Variants in ITGA9 observed in about 807,000 individuals in gnomAD.
ITGA9 encodes the protein integrin subunit alpha 9, also known as integrin alpha-9.
Under a neutral mutation model 127.8 loss-of-function variants are expected in ITGA9, and 56 were observed. The ratio of observed to expected loss-of-function variants is 0.44; its 90% CI spans 0.35 to 0.55. The LOEUF (loss-of-function observed/expected upper bound fraction) is 0.55. ITGA9 is among the 20% of genes least tolerant of loss of function. ITGA9 has a pLI of 0.00. For missense variants in ITGA9, 1,196 were observed against 1,347.1 expected, an observed-to-expected ratio of 0.89 and a Z score of 1.76; for synonymous variants, 508 against 514.5, an observed-to-expected ratio of 0.99 and a Z score of 0.17.
At chr3:37,543,986 TG>T (rs1231373049) in intron 15 of ITGA9, among the ~76,000 whole-genome samples, 1 of 152,178 alleles carries the variant, frequency 6.6e-6, no homozygotes, top group Non-Finnish European at 1.5e-5. Context: ...GTGCCTTTGG[TG>T]GGGTGTGAGG....
intron 15 of ITGA9, among the ~76,000 whole-genome samples, chr3:37,574,987 T>C (rs1228883959): frequency 1.3e-5 from 2 of 152,172 alleles, no homozygotes; most frequent in East Asian, 3.8e-4. Flanking sequence ...GTATATTTCC[T>C]TGGAGGCAGC....
At chr3:37,654,561 T>G (rs1219761701) in intron 17 of ITGA9, among the ~76,000 whole-genome samples, 1 of 152,196 alleles carries the variant, frequency 6.6e-6, no homozygotes, top group Non-Finnish European at 1.5e-5. Context: ...TTATTACCAT[T>G]TCTGAAAAAC....
Position 37,517,659 on chromosome 3 carries a change from C to T in ITGA9, c.1141+50C>T, listed in dbSNP as rs372203089. 3.0e-6 allele frequency: 4 copies of T among 1,349,384 alleles called. No individual in the cohort carries two copies. The African/African-American group carries it at 5.8e-5, about 20-fold the overall frequency. The allele number at this position is 1,349,384 out of a possible 1,614,324, so 83.6% of individuals were successfully genotyped here. On this transcript the variant is annotated intron_variant, in intron 10 of 27. Transcript: ENST00000264741. ...GAGCCCCTCCAGGTGCAGCACGCTG[C>T]TCTGTTTCAGAGGGGCAGCCTGCTC...
At chr3:37,637,192 G>A (rs1029535590) in intron 16 of ITGA9, among the ~76,000 whole-genome samples, 2 of 152,164 alleles carry the variant, frequency 1.3e-5, no homozygotes, top group East Asian at 1.9e-4. Context: ...AGCTTGATGG[G>A]GATGGCATTG....
intron 1 of ITGA9, among the ~76,000 whole-genome samples, chr3:37,465,839 A>G (rs1432226288): frequency 6.6e-6 from 1 of 152,152 alleles, no homozygotes; most frequent in East Asian, 1.9e-4. Flanking sequence ...GGGATTACAT[A>G]TGTGAGTAGC....
chr3:37,689,384 A>G lies in ITGA9; in HGVS notation c.2067+5369A>G, dbSNP rs537999435. On this transcript the variant is annotated intron_variant, in intron 18 of 27. Coordinates refer to ENST00000264741, the MANE Select transcript of ITGA9 (RefSeq NM_002207.3). ...CTAACTTGAAAACACATTATAAAAGAGGGCTTAATTTGTTGGTGGCTACTC... is the reference window on the plus strand; with the variant it reads ...CTAACTTGAAAACACATTATAAAAGGGGGCTTAATTTGTTGGTGGCTACTC... Among the ~76,000 whole-genome samples, 5 of 152,296 alleles carry G rather than the reference A, an allele frequency of 3.3e-5. No individual in the cohort carries two copies. The South Asian group carries it at 1.0e-3, about 32-fold the overall frequency.
intron 11 of ITGA9, among the ~76,000 whole-genome samples, chr3:37,520,459 A>G (rs532753800): frequency 3.3e-5 from 5 of 152,308 alleles, no homozygotes; most frequent in African/African-American, 1.2e-4. Context: ...AAGTGGCAGT[A>G]TGGCCACAGA....
intron 15 of ITGA9, among the ~76,000 whole-genome samples, chr3:37,625,354 A>G (rs1700166619): frequency 6.6e-6 from 1 of 152,206 alleles, no homozygotes; most frequent in Non-Finnish European, 1.5e-5. Flanking sequence ...ATTGCCTGGC[A>G]TAAAGTAAGC....
At chr3:37,734,454 T>C (rs369796828) in intron 19 of ITGA9, among the ~76,000 whole-genome samples, 1 of 152,348 alleles carries the variant, frequency 6.6e-6, no homozygotes, top group East Asian at 1.9e-4. Flanking sequence ...AGACCTAAGA[T>C]GTGTCTTTCT....
At position 37,452,589 on chromosome 3, in the gene ITGA9, G is replaced by T; in HGVS notation, c.185+30G>T. Reference sequence around the variant, plus strand: ...GTGCCCGCCCGACTCCGCGACCCTGGCCCGCGCGGCCACCGCCCCGGCCCC... The same window carrying T: ...GTGCCCGCCCGACTCCGCGACCCTGTCCCGCGCGGCCACCGCCCCGGCCCC... On this transcript the variant is annotated intron_variant, in intron 1 of 27. Transcript: ENST00000264741. This position sits in a 1 kb window ranked among gnomAD's most constrained non-coding sequence, Gnocchi z 7.3. The T allele has an allele frequency of 1.3e-6, 2 of 1,484,674 alleles. No individual in the cohort carries two copies. The highest frequency in any genetic ancestry group is 9.0e-7 in the Non-Finnish European group (1 of 1,114,900). 92.0% of individuals were successfully genotyped at this position (1,484,674 alleles called of 1,614,324 possible).
intron 15 of ITGA9, among the ~76,000 whole-genome samples, chr3:37,555,578 C>T (rs986609408): frequency 6.6e-6 from 1 of 152,230 alleles, no homozygotes; most frequent in Admixed American, 6.5e-5. Context: ...ACTCACAGCT[C>T]CTGCCACAGT....
intron 15 of ITGA9, among the ~76,000 whole-genome samples, chr3:37,552,619 G>A (rs891932209): frequency 1.3e-5 from 2 of 152,138 alleles, no homozygotes; most frequent in Admixed American, 6.5e-5. Context: ...GCAAACTTTT[G>A]ACAAATAGCG....
chr3:37,566,251 A>G (rs1699546079), intron 15 of ITGA9, among the ~76,000 whole-genome samples: 1 of 152,180 alleles, frequency 6.6e-6, no homozygotes, highest in African/African-American at 2.4e-5. Flanking sequence ...TTTCAATCTG[A>G]TAACTGAGAC....
intron 17 of ITGA9, among the ~76,000 whole-genome samples, chr3:37,669,466 T>A (rs13085483): frequency 0.081 from 12,257 of 152,258 alleles, 1,119 homozygotes; most frequent in African/African-American, 0.22. Context: ...GATCCCTGGA[T>A]CTCTGCCACA....
At chr3:37,664,849 A>G (rs977250379) in intron 17 of ITGA9, among the ~76,000 whole-genome samples, 8 of 152,158 alleles carry the variant, frequency 5.3e-5, no homozygotes, top group African/African-American at 1.9e-4. Context: ...GAAGGTGAAT[A>G]GGAACTCATC....
chr3:37,584,026 C>T (rs1699733286), intron 15 of ITGA9, among the ~76,000 whole-genome samples: 1 of 152,180 alleles, frequency 6.6e-6, no homozygotes, highest in African/African-American at 2.4e-5. Context: ...AATGAGATGG[C>T]TTATTTCCCT....
intron 15 of ITGA9, among the ~76,000 whole-genome samples, chr3:37,544,218 G>C (rs1263651919): frequency 6.6e-6 from 1 of 152,204 alleles, no homozygotes; most frequent in Non-Finnish European, 1.5e-5. Context: ...ATGCCACGTA[G>C]AGTGGCAATA....
chr3:37,464,464 A>G (rs906440268), intron 1 of ITGA9, among the ~76,000 whole-genome samples: 1 of 152,146 alleles, frequency 6.6e-6, no homozygotes, highest in Admixed American at 6.5e-5. Flanking sequence ...AGCAGGCACT[A>G]TGATGGGTGT....
At chr3:37,572,876 T>C (rs1263580110) in intron 15 of ITGA9, among the ~76,000 whole-genome samples, 2 of 152,242 alleles carry the variant, frequency 1.3e-5, no homozygotes, top group African/African-American at 4.8e-5. Flanking sequence ...CATTTTCTAA[T>C]AAGCCTGAAA....
Sources: allele counts gnomAD v4.1 joint callset (sites outside exome capture counted in the v4.1 genomes callset), GRCh38; gene constraint gnomAD v4.1.1; non-coding constraint Gnocchi (gnomAD v3.1); transcripts MANE v1.5; gene names NCBI Gene and HGNC (gene_info 2026-07-23, HGNC 2026-07-21).